Variants in NCKAP1L observed in about 807,000 individuals in gnomAD.
NCKAP1L encodes the protein nck-associated protein 1-like.
Under a neutral mutation model 139.2 loss-of-function variants are expected in NCKAP1L, and 53 were observed. The observed-to-expected ratio is 0.38, with a 90% CI of 0.31 to 0.48. The LOEUF is 0.48. Ranked by LOEUF, NCKAP1L falls within the 20% of genes least tolerant of loss-of-function variation. The pLI, the probability that NCKAP1L is intolerant of heterozygous loss-of-function variation, is 0.98. For synonymous variants in NCKAP1L, 468 were observed against 499.7 expected, an observed-to-expected ratio of 0.94 and a Z score of 0.85; for missense variants, 1,151 against 1,381.9, an observed-to-expected ratio of 0.83 and a Z score of 2.65.
chr12:54,523,780 G>A (rs1957005738), intron 19 of NCKAP1L, 45 bp from the exon 20 acceptor site: 5 of 1,590,378 alleles, frequency 3.1e-6, no homozygotes, highest in Non-Finnish European at 4.3e-6. Flanking sequence ...CTAGACATTA[G>A]CAGGCAGTGC....
rs769724489 is a variant in NCKAP1L at position 54,516,284 on chromosome 12, A to T, written c.987A>T (p.Val329=). ...ACATAAAGGAGAGCAAGGAACATGT[A>T]ATTGCAAACAGGTAAAGGGTGGTGA... The part of the protein sequence containing the change: ...VADIKESKEH[V]IANSGQFHCQ... Residue 329 remains valine, a synonymous_variant, in exon 10 of 31, where the codon GTA becomes GTT. Transcript: ENST00000293373. The T allele has an allele frequency of 1.2e-6, 2 of 1,613,924 alleles. No individual in the cohort carries two copies. The highest frequency in any genetic ancestry group is 1.7e-6 in the Non-Finnish European group (2 of 1,179,916).
chr12:54,542,553 C>T (rs1238704151), intron 30 of NCKAP1L, 22 bp from the exon 31 acceptor site: 3 of 1,572,196 alleles, frequency 1.9e-6, no homozygotes, highest in Non-Finnish European at 2.6e-6. Flanking sequence ...AGGTTCTCAT[C>T]TCTTGGCCCC....
chr12:54,526,310 G>A (rs145965557), intron 20 of NCKAP1L, among the ~76,000 whole-genome samples: 190 of 152,188 alleles, frequency 1.2e-3, no homozygotes, highest in African/African-American at 4.0e-3. Context: ...CTGTGTGGTC[G>A]TCAGCAATGA....
chr12:54,539,058 C>T (rs187267715), intron 30 of NCKAP1L, 85 bp downstream of exon 30: 696 of 1,166,460 alleles, frequency 6.0e-4, no homozygotes, highest in Non-Finnish European at 8.2e-4. Flanking sequence ...GCATCCTTGC[C>T]ATTCTTGTCA....
At chr12:54,502,383 C>T (rs1438782060) in intron 3 of NCKAP1L, among the ~76,000 whole-genome samples, 2 of 152,106 alleles carry the variant, frequency 1.3e-5, no homozygotes, top group Non-Finnish European at 2.9e-5. Flanking sequence ...TTAAAAATTT[C>T]AAGTATTTTT....
intron 13 of NCKAP1L, 97 bp downstream of exon 13, chr12:54,518,035 T>C: frequency 6.7e-7 from 1 of 1,481,780 alleles, no homozygotes; most frequent in Non-Finnish European, 9.3e-7. Context: ...GCTCTGTAAG[T>C]TGGGTGTCAA....
Position 54,511,945 on chromosome 12 carries a change from A to G in NCKAP1L, c.785-4A>G, listed in dbSNP as rs112405521. The G allele has an allele frequency of 1.9e-6, 3 of 1,614,202 alleles. No homozygotes were observed. The highest frequency in any genetic ancestry group is 1.3e-5 in the African/African-American group (1 of 75,054). Reference sequence around the variant, plus strand: ...CTTCCTCTGCACTGTTTTCCCACCTACAGTTGGGTTTCTTCTTTGTCATGG... The same window carrying G: ...CTTCCTCTGCACTGTTTTCCCACCTGCAGTTGGGTTTCTTCTTTGTCATGG... On this transcript the variant is annotated splice_polypyrimidine_tract_variant and splice_region_variant and intron_variant, in intron 8 of 30. Coordinates refer to ENST00000293373, the MANE Select transcript of NCKAP1L (RefSeq NM_005337.5).
chr12:54,508,461 T>C lies in NCKAP1L; in HGVS notation c.436T>C (p.Ser146Pro). 6.2e-7 allele frequency: 1 copy of C among 1,614,166 alleles called. No individual in the cohort carries two copies. Among genetic ancestry groups the C allele is most frequent in the Non-Finnish European group, 8.5e-7 (1 of 1,180,000 alleles). The change falls in exon 5 of 31, where the codon TCA (serine) becomes CCA (proline). Residue 146 changes from serine to proline, a missense_variant. Ser to Pro is a moderately conservative substitution (Grantham distance 74). Coordinates refer to ENST00000293373, the MANE Select transcript of NCKAP1L (RefSeq NM_005337.5). The part of the protein sequence containing the change: ...VTYTSVILLL[S>P]RIEDRRILIG... ...TTACACCTCAGTCATTTTACTTCTG[T>C]CACGGATTGAAGATCGGCGGATACT... is the stretch of plus-strand genomic sequence containing the variant.
At chr12:54,525,494 T>G (rs989700317) in intron 20 of NCKAP1L, among the ~76,000 whole-genome samples, 53 of 152,314 alleles carry the variant, frequency 3.5e-4, no homozygotes, top group African/African-American at 1.3e-3. Flanking sequence ...GGTGGTGGTT[T>G]CCAGGCCCTG....
rs1485300522 is a variant in NCKAP1L, at chr12:54,546,642, C to T, written c.*3957C>T. On this transcript the variant is annotated 3_prime_UTR_variant, in exon 31 of 31. Transcript: ENST00000293373. The stretch of plus-strand genomic sequence containing the variant: ...GTTGGGGGAAGAGTGTTCTTCCAGT[C>T]CTCCTCCCCACAGGGCCTCCTGCTT... 3 of 152,160 alleles carry T rather than the reference C, an allele frequency of 2.0e-5. No homozygotes were observed. Among genetic ancestry groups the T allele is most frequent in the South Asian group, 2.1e-4 (1 of 4,824 alleles). The allele number at this position is 152,160 out of a possible 1,614,324, so 9.4% of individuals were successfully genotyped here.
At chr12:54,518,429 A>C (rs1331169288) in intron 13 of NCKAP1L, among the ~76,000 whole-genome samples, 1 of 152,162 alleles carries the variant, frequency 6.6e-6, no homozygotes, top group Non-Finnish European at 1.5e-5. Context: ...TTTCCCCACT[A>C]AGTGAAATTA....
chr12:54,531,965 G>A (rs1957075478), intron 25 of NCKAP1L, 140 bp downstream of exon 25: 3 of 814,192 alleles, frequency 3.7e-6, no homozygotes, highest in African/African-American at 3.5e-5. Context: ...AGAAGAGGGA[G>A]AGTAATTTGG....
rs1024219580 is a variant in NCKAP1L, at chr12:54,542,977, A to G, written c.*292A>G. Reference sequence around the variant, plus strand: ...GGAGTAACGTACAAGTATATTTTCTATCTTCTGGTGACTTGAGCTTGAGCT... The same window carrying G: ...GGAGTAACGTACAAGTATATTTTCTGTCTTCTGGTGACTTGAGCTTGAGCT... On this transcript the variant is annotated 3_prime_UTR_variant, in exon 31 of 31. Coordinates refer to ENST00000293373, the MANE Select transcript of NCKAP1L (RefSeq NM_005337.5). The G allele has an allele frequency of 2.5e-5, 7 of 284,754 alleles. No homozygotes were observed. Among genetic ancestry groups the G allele is most frequent in the Admixed American group, 4.7e-5 (1 of 21,272 alleles). 17.6% of individuals were successfully genotyped at this position (284,754 alleles called of 1,614,324 possible). A position where few individuals can be genotyped will look rare whatever the true frequency, so the allele number is the denominator to read the frequency against.
rs758027149 is a variant in NCKAP1L at position 54,518,680 on chromosome 12, C to T, written c.1368C>T (p.Ser456=). Residue 456 remains serine, a synonymous_variant, in exon 14 of 31, where the codon TCC becomes TCT. Transcript: ENST00000293373. ...TGTCTGTGTGTCCAGAGGAGGAGTC[C>T]ATCATCATGTCCTCATTCGTCAGTA... ...QNLSVCPEEE[S]IIMSSFVSIL... is the part of the protein sequence containing the mutation. 6.2e-7 allele frequency: 1 copy of T among 1,614,050 alleles called. No individual in the cohort carries two copies. The highest frequency in any genetic ancestry group is 8.5e-7 in the Non-Finnish European group (1 of 1,179,958).
At chr12:54,540,540 A>G (rs1373342308) in intron 30 of NCKAP1L, among the ~76,000 whole-genome samples, 1 of 152,220 alleles carries the variant, frequency 6.6e-6, no homozygotes, top group Non-Finnish European at 1.5e-5. Context: ...TCGGCTCTCT[A>G]TCCATAAAAG....
At chr12:54,532,535 C>T (rs946623362) in intron 26 of NCKAP1L, among the ~76,000 whole-genome samples, 1 of 152,048 alleles carries the variant, frequency 6.6e-6, no homozygotes, top group African/African-American at 2.4e-5. Context: ...TAGGTTTTCA[C>T]CTGATATGAG....
At chr12:54,510,664 CA>C (rs1956880860) in intron 7 of NCKAP1L, among the ~76,000 whole-genome samples, 1 of 151,604 alleles carries the variant, frequency 6.6e-6, no homozygotes, top group Non-Finnish European at 1.5e-5. Context: ...CATGTGCCGC[CA>C]CACCTGGGTA....
chr12:54,529,641 C>T (rs1257322620), intron 22 of NCKAP1L, among the ~76,000 whole-genome samples: 2 of 152,166 alleles, frequency 1.3e-5, no homozygotes, highest in Non-Finnish European at 2.9e-5. Flanking sequence ...TTTCAGATGT[C>T]CCCTTCTCAT....
chr12:54,536,838 G>A, intron 28 of NCKAP1L, 106 bp from the exon 29 acceptor site: 1 of 694,810 alleles, frequency 1.4e-6, no homozygotes, highest in South Asian at 1.7e-5. Context: ...TCAAATACTG[G>A]TGGCTCAGCC....
Sources: allele counts gnomAD v4.1 joint callset (sites outside exome capture counted in the v4.1 genomes callset), GRCh38; gene constraint gnomAD v4.1.1; transcripts MANE v1.5; gene names NCBI Gene and HGNC (gene_info 2026-07-23, HGNC 2026-07-21).